Variants in PEBP4 observed in about 807,000 individuals in gnomAD.
PEBP4 encodes phosphatidylethanolamine-binding protein 4.
In PEBP4, 22 loss-of-function variants were observed where a neutral mutation model predicts 23.9. The ratio of observed to expected loss-of-function variants is 0.92; its 90% confidence interval spans 0.66 to 1.31. The LOEUF (loss-of-function observed/expected upper bound fraction) is 1.31. Ranked by LOEUF, PEBP4 falls within the 40% of genes most tolerant of loss-of-function variation. The probability of loss-of-function intolerance (pLI) is 0.00; values close to 1 mark genes in which losing one functional copy is unlikely to be tolerated. For missense variants in PEBP4, 324 were observed against 281.7 expected, an observed-to-expected ratio of 1.15 and a Z score of -1.07; for synonymous variants, 112 against 99.3, an observed-to-expected ratio of 1.13 and a Z score of -0.76.
At chr8:22,920,952 C>G (rs1274397277) in intron 2 of PEBP4, among the ~76,000 whole-genome samples, 1 of 152,178 alleles carries the variant, frequency 6.6e-6, no homozygotes, top group Non-Finnish European at 1.5e-5. Flanking sequence ...TATGAATGAA[C>G]CAGTTCATGT....
rs1193964849 is a variant in PEBP4, at chr8:22,755,735, C to G, written c.358-28515G>C. 3 of 152,050 alleles carry G rather than the reference C, an allele frequency of 2.0e-5. No homozygotes were observed. The East Asian group carries it at 5.8e-4, about 29-fold the overall frequency. The allele number at this position is 152,050 out of a possible 1,614,324, so 9.4% of individuals were successfully genotyped here. ...ATTGTTCTTTTTTTTCAGCCATGTG[C>G]AGTGGGTAAGTACATCAGCAAGCAA... On this transcript the variant is annotated intron_variant, in intron 4 of 6. Transcript: ENST00000256404.
intron 3 of PEBP4, among the ~76,000 whole-genome samples, chr8:22,833,191 C>T (rs1807123371): frequency 6.6e-6 from 1 of 152,194 alleles, no homozygotes. Context: ...ACCATCATGT[C>T]CCTCTGTGTG....
chr8:22,747,092 G>T (rs1276168876), intron 4 of PEBP4, among the ~76,000 whole-genome samples: 2 of 152,202 alleles, frequency 1.3e-5, no homozygotes, highest in Non-Finnish European at 2.9e-5. Flanking sequence ...GCCTCCCAAA[G>T]TGCTGGGATT....
intron 4 of PEBP4, among the ~76,000 whole-genome samples, chr8:22,743,228 C>A (rs116908857): frequency 6.6e-6 from 1 of 152,182 alleles, no homozygotes; most frequent in Non-Finnish European, 1.5e-5. Flanking sequence ...GAGAGTGAGG[C>A]CTGCCTGAGA....
intron 4 of PEBP4, among the ~76,000 whole-genome samples, chr8:22,743,142 A>G (rs995109750): frequency 5.9e-5 from 9 of 152,108 alleles, no homozygotes; most frequent in Non-Finnish European, 1.2e-4. Context: ...CCAGGCCCTT[A>G]TCAGTGCTTC....
intron 3 of PEBP4, among the ~76,000 whole-genome samples, chr8:22,916,110 T>C (rs540630372): frequency 5.9e-5 from 9 of 152,282 alleles, no homozygotes; most frequent in East Asian, 5.8e-4. Context: ...CCAAGCCTGA[T>C]TGGAAACTCC....
intron 1 of PEBP4, among the ~76,000 whole-genome samples, chr8:22,938,118 A>T (rs1192895055): frequency 6.6e-6 from 1 of 152,164 alleles, no homozygotes; most frequent in Admixed American, 6.5e-5. Flanking sequence ...GCATCAAAGG[A>T]CACTATCAAG....
intron 3 of PEBP4, among the ~76,000 whole-genome samples, chr8:22,856,047 C>CAAA (rs34409506): frequency 5.7e-4 from 52 of 91,492 alleles, no homozygotes; most frequent in East Asian, 1.5e-3. Flanking sequence ...GACCCTGTCT[C>CAAA]AAAAAAAAAA....
intron 4 of PEBP4, among the ~76,000 whole-genome samples, chr8:22,733,042 T>A (rs7009271): frequency 6.6e-6 from 1 of 152,122 alleles, no homozygotes; most frequent in South Asian, 2.1e-4. Flanking sequence ...CAGGGGTCTA[T>A]CCCCACCGCT....
At chr8:22,920,905 C>T (rs1031029157) in intron 2 of PEBP4, among the ~76,000 whole-genome samples, 2 of 152,242 alleles carry the variant, frequency 1.3e-5, no homozygotes, top group African/African-American at 4.8e-5. Flanking sequence ...GCAAACATCC[C>T]TCAGGGGGTA....
chr8:22,922,342 TG>T (rs1481286075), intron 2 of PEBP4, among the ~76,000 whole-genome samples: 1 of 152,074 alleles, frequency 6.6e-6, no homozygotes, highest in Non-Finnish European at 1.5e-5. Flanking sequence ...CCAACAATTC[TG>T]ATGATCAAAT....
intron 4 of PEBP4, among the ~76,000 whole-genome samples, chr8:22,809,605 T>C (rs1399757277): frequency 6.6e-6 from 1 of 152,154 alleles, no homozygotes; most frequent in African/African-American, 2.4e-5. Flanking sequence ...GCTTACCCAC[T>C]CTGGGCCTCA....
At chr8:22,903,035 C>G (rs1449261583) in intron 3 of PEBP4, among the ~76,000 whole-genome samples, 2 of 152,206 alleles carry the variant, frequency 1.3e-5, no homozygotes, top group African/African-American at 2.4e-5. Context: ...CCTGACGGGC[C>G]TGAAAAGATG....
At chr8:22,831,419 T>C (rs1393052247) in intron 3 of PEBP4, among the ~76,000 whole-genome samples, 1 of 152,190 alleles carries the variant, frequency 6.6e-6, no homozygotes, top group Non-Finnish European at 1.5e-5. Context: ...CTGCACACAG[T>C]AGACACTCAA....
At chr8:22,872,488 T>C (rs1199160589) in intron 3 of PEBP4, among the ~76,000 whole-genome samples, 2 of 152,196 alleles carry the variant, frequency 1.3e-5, no homozygotes, top group Non-Finnish European at 2.9e-5. Context: ...GCCAGGGCCA[T>C]GTGTGCCTTT....
chr8:22,740,722 C>T (rs937171345), intron 4 of PEBP4, among the ~76,000 whole-genome samples: 2 of 152,172 alleles, frequency 1.3e-5, no homozygotes, highest in African/African-American at 4.8e-5. Flanking sequence ...CCCTGTGGCC[C>T]CAGCTCTCAA....
At chr8:22,916,616 C>G (rs1809078317) in intron 3 of PEBP4, among the ~76,000 whole-genome samples, 1 of 152,200 alleles carries the variant, frequency 6.6e-6, no homozygotes, top group Non-Finnish European at 1.5e-5. Flanking sequence ...CAGCTCATAG[C>G]TCACACTCCA....
At chr8:22,861,428 G>A (rs995418499) in intron 3 of PEBP4, among the ~76,000 whole-genome samples, 5 of 152,074 alleles carry the variant, frequency 3.3e-5, no homozygotes, top group South Asian at 2.1e-4. Context: ...TCCCCATTTC[G>A]CAAATGATAC....
chr8:22,890,442 C>T (rs541438920), intron 3 of PEBP4, among the ~76,000 whole-genome samples: 1 of 152,218 alleles, frequency 6.6e-6, no homozygotes, highest in Non-Finnish European at 1.5e-5. Context: ...CAAATTTCAG[C>T]GTTGGAAAGA....
Sources: allele counts gnomAD v4.1 joint callset (sites outside exome capture counted in the v4.1 genomes callset), GRCh38; gene constraint gnomAD v4.1.1; transcripts MANE v1.5; gene names NCBI Gene and HGNC (gene_info 2026-07-23, HGNC 2026-07-21).